Variants in DNAH8 observed in about 807,000 individuals in gnomAD.
The protein encoded by DNAH8 is dynein axonemal heavy chain 8, also known as axonemal beta dynein heavy chain 8.
DNAH8 carries 382 observed loss-of-function variants against 562.1 expected under a neutral mutation model. That is an observed-to-expected ratio of 0.68 (90% CI 0.63 to 0.74). The LOEUF (loss-of-function observed/expected upper bound fraction) is 0.74, where lower values mean the gene tolerates loss of function less well. Ranked by LOEUF, DNAH8 falls within the 30% of genes least tolerant of loss-of-function variation. DNAH8 has a pLI of 0.00. For missense variants in DNAH8, 5,203 were observed against 5,620.4 expected (o/e 0.93, Z 2.37); for synonymous variants, 1,881 against 1,919.4 (o/e 0.98, Z 0.52).
In DNAH8 at chr6:38,883,916, C is replaced by T. The variant is rs142939612; in HGVS notation, c.8177C>T (p.Thr2726Ile). ...TACGTGGATAAGCGAATTGGAAGCA[C>T]ATATGGGCCACCAGGAGGGAGAAAA... Reference protein sequence around the residue: ...ESYVDKRIGSTYGPPGGRKMT... With the variant: ...ESYVDKRIGSIYGPPGGRKMT... Residue 2726 changes from threonine to isoleucine, a missense_variant, in exon 56 of 93, where the codon ACA (threonine) becomes ATA (isoleucine). Physicochemically the swap from Thr to Ile is moderately conservative, Grantham distance 89. Coordinates refer to ENST00000327475, the MANE Select transcript of DNAH8 (RefSeq NM_001206927.2). 3.1e-5 allele frequency: 49 copies of T among 1,591,496 alleles called. No homozygotes were observed. The highest frequency in any genetic ancestry group is 3.7e-5 in the Non-Finnish European group (43 of 1,167,502).
At chr6:38,734,329 C>A in intron 4 of DNAH8, 145 bp from the exon 5 acceptor site, 1 of 709,606 alleles carries the variant, frequency 1.4e-6, no homozygotes, top group Non-Finnish European at 2.0e-6. Flanking sequence ...CTAGTAGACC[C>A]CCCCCCAAAA....
Position 38,722,859 on chromosome 6 carries a change from C to T in DNAH8, c.50C>T (p.Pro17Leu), listed in dbSNP as rs769740350. 6.2e-7 allele frequency: 1 copy of T among 1,610,878 alleles called. No homozygotes were observed. Among genetic ancestry groups the T allele is most frequent in the Non-Finnish European group, 8.5e-7 (1 of 1,178,900 alleles). Reference protein sequence around the residue: ...DGAPSEGAEAPPSTEEAAPPR... With the variant: ...DGAPSEGAEALPSTEEAAPPR... ...GCCCCTTCTGAGGGAGCAGAGGCTC[C>T]TCCCTCTACGGAAGAGGCTGCCCCT... The change falls in exon 2 of 93, where the codon CCT becomes CTT. Residue 17 changes from proline (P) to leucine (L), a missense_variant. Pro to Leu is a moderately conservative substitution (Grantham distance 98). Around this residue, in one of 6 missense-constraint regions of DNAH8, gnomAD observed 556 missense variants for 496.9 expected, o/e 1.12. Transcript: ENST00000327475.
At chr6:38,872,836 G>A (rs1006816016) in intron 50 of DNAH8, 54 bp downstream of exon 50, 30 of 1,607,254 alleles carry the variant, frequency 1.9e-5, no homozygotes, top group Non-Finnish European at 2.0e-5. Flanking sequence ...TATTAACACA[G>A]TATTTTTTTG....
intron 3 of DNAH8, among the ~76,000 whole-genome samples, chr6:38,725,654 G>A (rs748344284): frequency 7.9e-5 from 12 of 152,158 alleles, no homozygotes; most frequent in Non-Finnish European, 1.2e-4. Flanking sequence ...AAAGTTCCCC[G>A]CTGGAATTTA....
chr6:38,739,571 C>G (rs1043107621), intron 7 of DNAH8, among the ~76,000 whole-genome samples: 1 of 152,114 alleles, frequency 6.6e-6, no homozygotes, highest in Non-Finnish European at 1.5e-5. Context: ...CTTTGGGAGC[C>G]CAAGGCAAGA....
At chr6:38,937,365 A>G (rs1010077456) in intron 77 of DNAH8, among the ~76,000 whole-genome samples, 3 of 150,514 alleles carry the variant, frequency 2.0e-5, no homozygotes, top group Non-Finnish European at 4.5e-5. Context: ...AAAAAAAAAA[A>G]TAATGAAAGG....
At chr6:38,846,284 G>A (rs572553865) in intron 36 of DNAH8, among the ~76,000 whole-genome samples, 42 of 152,256 alleles carry the variant, frequency 2.8e-4, no homozygotes, top group Admixed American at 6.5e-4. Flanking sequence ...CCTGAATGAG[G>A]TCACCTGTTC....
intron 56 of DNAH8, among the ~76,000 whole-genome samples, chr6:38,884,441 C>T: frequency 6.6e-6 from 1 of 152,112 alleles, no homozygotes. Flanking sequence ...TAACATGTGC[C>T]CGCCACCACG....
chr6:38,821,215 A>G (rs536116457), intron 26 of DNAH8, among the ~76,000 whole-genome samples: 9 of 152,340 alleles, frequency 5.9e-5, no homozygotes, highest in African/African-American at 1.9e-4. Flanking sequence ...GCAATGAACC[A>G]TCTGAAAATG....
At position 38,790,276 on chromosome 6, in the gene DNAH8, T is replaced by C. The variant is rs1182927107; in HGVS notation, c.2665-13T>C. On this transcript the variant is annotated splice_polypyrimidine_tract_variant and intron_variant, in intron 19 of 92. Coordinates refer to ENST00000327475, the MANE Select transcript of DNAH8 (RefSeq NM_001206927.2). ...GTTGATAATAGAAGCAGTTGTGTTT[T>C]TACCGTTTCTAGGTGGAATCTGTGT... 1 of 1,481,700 alleles carries C rather than the reference T, an allele frequency of 6.7e-7. No individual in the cohort carries two copies. The highest frequency in any genetic ancestry group is 9.4e-7 in the Non-Finnish European group (1 of 1,062,986). The allele number at this position is 1,481,700 out of a possible 1,614,324, so 91.8% of individuals were successfully genotyped here.
chr6:38,776,451 C>T (rs1278314504), intron 13 of DNAH8, among the ~76,000 whole-genome samples: 5 of 152,156 alleles, frequency 3.3e-5, no homozygotes, highest in Admixed American at 3.3e-4. Flanking sequence ...CTCCTGACTT[C>T]AGGTGATTCA....
chr6:38,803,565 T>A (rs1330153806), intron 22 of DNAH8, among the ~76,000 whole-genome samples: 4 of 150,814 alleles, frequency 2.7e-5, no homozygotes, highest in African/African-American at 9.8e-5. Flanking sequence ...GGCCTTCCTA[T>A]GGATAGCAGT....
Position 38,729,610 on chromosome 6 carries a change from A to T in DNAH8, c.526-292A>T, listed in dbSNP as rs1698997. 0.94 allele frequency among the ~76,000 whole-genome samples: 142,618 copies of T among 152,120 alleles called. 66,905 individuals carry two copies. Among genetic ancestry groups the T allele is most frequent in the East Asian group, 1 (5,168 of 5,182 alleles). On this transcript the variant is annotated intron_variant, in intron 3 of 92. Coordinates refer to ENST00000327475, the MANE Select transcript of DNAH8 (RefSeq NM_001206927.2). ...TTTATCTTAATAATACTTCTTTTTT[A>T]AAAATATTTACCTCAAGTTGGACTC...
At chr6:38,754,850 T>C (rs888738067) in intron 9 of DNAH8, among the ~76,000 whole-genome samples, 1 of 152,188 alleles carries the variant, frequency 6.6e-6, no homozygotes, top group Non-Finnish European at 1.5e-5. Flanking sequence ...CAGGACATAC[T>C]TTAGTCAGTT....
intron 58 of DNAH8, among the ~76,000 whole-genome samples, chr6:38,893,829 T>A (rs4714196): frequency 0.64 from 96,580 of 152,016 alleles, 31,750 homozygotes; most frequent in East Asian, 0.81. Context: ...GCGTATGGGG[T>A]GTTTGTATCA....
chr6:38,860,624 A>T lies in DNAH8; in HGVS notation c.6126A>T (p.Thr2042=). Reference sequence around the variant, plus strand: ...ATCGTCTTGTTATCACTCCATTAACAGATAGGTAGGAAACCCAGTTTTCGT... The same window carrying T: ...ATCGTCTTGTTATCACTCCATTAACTGATAGGTAGGAAACCCAGTTTTCGT... ...CTDRLVITPL[T]DRCYITLAQA... The change falls in exon 43 of 93, where the codon ACA becomes ACT. Residue 2042 remains threonine (T), a synonymous_variant. Transcript: ENST00000327475. 1 of 1,520,384 alleles carries T rather than the reference A, an allele frequency of 6.6e-7. No homozygotes were observed. The highest frequency in any genetic ancestry group is 8.7e-7 in the Non-Finnish European group (1 of 1,145,046). 94.2% of individuals were successfully genotyped at this position (1,520,384 alleles called of 1,614,324 possible). A position where few individuals can be genotyped will look rare whatever the true frequency, so the allele number is the denominator to read the frequency against.
At chr6:38,795,574 T>C in intron 21 of DNAH8, among the ~76,000 whole-genome samples, 1 of 120,712 alleles carries the variant, frequency 8.3e-6, no homozygotes, top group African/African-American at 3.0e-5. Flanking sequence ...AGCGAGACTG[T>C]GTCTCAGAAA....
intron 82 of DNAH8, among the ~76,000 whole-genome samples, chr6:38,957,676 A>T (rs1762332447): frequency 6.6e-6 from 1 of 152,048 alleles, no homozygotes; most frequent in Non-Finnish European, 1.5e-5. Context: ...TAACAGTAGG[A>T]ACTTTGGAAA....
At chr6:38,760,794 C>T (rs1245751397) in intron 10 of DNAH8, among the ~76,000 whole-genome samples, 2 of 152,244 alleles carry the variant, frequency 1.3e-5, no homozygotes, top group Admixed American at 1.3e-4. Context: ...GGCCAGTTCC[C>T]ACTTTGCTTT....
Sources: allele counts gnomAD v4.1 joint callset (sites outside exome capture counted in the v4.1 genomes callset), GRCh38; gene constraint gnomAD v4.1.1; regional missense constraint gnomAD v4.1.1; transcripts MANE v1.5; gene names NCBI Gene and HGNC (gene_info 2026-07-23, HGNC 2026-07-21).